The following PDZD2 variants were observed in gnomAD, a reference collection of about 807,000 sequenced individuals.
PDZD2 encodes PDZ domain-containing protein 2.
Under a neutral mutation model 220.7 loss-of-function variants are expected in PDZD2, and 90 were observed. That is an observed-to-expected ratio of 0.41 (90% CI 0.34 to 0.49). The LOEUF (loss-of-function observed/expected upper bound fraction) is 0.49. Ranked by LOEUF, PDZD2 falls within the 20% of genes least tolerant of loss-of-function variation. The pLI, the probability that PDZD2 is intolerant of heterozygous loss-of-function variation, is 0.28. For missense variants in PDZD2, 3,174 were observed against 3,608.5 expected (o/e 0.88, Z 3.08); for synonymous variants, 1,375 against 1,450.5 (o/e 0.95, Z 1.18).
At chr5:31,675,149 GAT>G (rs202221153) in intron 1 of PDZD2, among the ~76,000 whole-genome samples, 15,396 of 152,192 alleles carry the variant, frequency 0.1, 794 homozygotes, top group East Asian at 0.15. Flanking sequence ...AAAGATGATA[GAT>G]AACAGGGTCC....
At chr5:32,009,938 A>C (rs187048055) in intron 5 of PDZD2, among the ~76,000 whole-genome samples, 23 of 151,838 alleles carry the variant, frequency 1.5e-4, no homozygotes, top group Admixed American at 1.4e-3. Flanking sequence ...TTAAAAATAC[A>C]ATGCCAGGTG....
rs1758699236 is a variant in PDZD2, at chr5:31,859,006, A to G, written c.476+59282A>G. ...CTGGGATTACAGATGTGAGCCCCCGAGCCCAGCCAAGGTTTTTGCATTTCT... is the reference window on the plus strand; with the variant it reads ...CTGGGATTACAGATGTGAGCCCCCGGGCCCAGCCAAGGTTTTTGCATTTCT... On this transcript the variant is annotated intron_variant, in intron 2 of 24. Transcript: ENST00000438447. Among the ~76,000 whole-genome samples the G allele has an allele frequency of 2.0e-5, 3 of 151,976 alleles. No homozygotes were observed. The South Asian group carries it at 6.2e-4, about 32-fold the overall frequency.
intron 2 of PDZD2, among the ~76,000 whole-genome samples, chr5:31,924,654 T>A (rs1744583783): frequency 6.6e-6 from 1 of 152,222 alleles, no homozygotes; most frequent in South Asian, 2.1e-4. Flanking sequence ...GAGGAGACGC[T>A]TGTTAATTAT....
chr5:32,032,434 C>T (rs1755198557), intron 6 of PDZD2, among the ~76,000 whole-genome samples: 1 of 152,182 alleles, frequency 6.6e-6, no homozygotes, highest in Admixed American at 6.5e-5. Flanking sequence ...CCTTGGGCCA[C>T]TGCTTCCGCC....
intron 2 of PDZD2, among the ~76,000 whole-genome samples, chr5:31,892,346 C>G (rs556814900): frequency 6.6e-6 from 1 of 152,340 alleles, no homozygotes; most frequent in East Asian, 1.9e-4. Flanking sequence ...AAATAAGACT[C>G]ATAAACCAAG....
At chr5:32,036,135 A>G (rs1031854961) in intron 6 of PDZD2, among the ~76,000 whole-genome samples, 2 of 151,970 alleles carry the variant, frequency 1.3e-5, no homozygotes, top group Non-Finnish European at 2.9e-5. Context: ...AATTTTTTGT[A>G]TTTTTAGTAG....
chr5:31,824,115 T>G (rs2150259307), intron 2 of PDZD2, among the ~76,000 whole-genome samples: 1 of 152,322 alleles, frequency 6.6e-6, no homozygotes, highest in South Asian at 2.1e-4. Context: ...GTGATCTTTT[T>G]GCACCTGCTG....
intron 2 of PDZD2, 120 bp downstream of exon 2, chr5:31,799,844 TC>T: frequency 1.4e-6 from 1 of 696,260 alleles, no homozygotes; most frequent in Non-Finnish European, 2.5e-6. Context: ...ATAAGAAATG[TC>T]TCATTTAAAC....
At chr5:31,965,602 ATGGAAACTTCGGC>A (rs1748666546) in intron 2 of PDZD2, among the ~76,000 whole-genome samples, 1 of 152,186 alleles carries the variant, frequency 6.6e-6, no homozygotes, top group African/African-American at 2.4e-5. Context: ...TGCTTTAAAA[ATGGAAACTTCGGC>A]TGGGCGCAGT....
At chr5:31,910,243 T>A (rs2150367197) in intron 2 of PDZD2, among the ~76,000 whole-genome samples, 1 of 98,906 alleles carries the variant, frequency 1.0e-5, no homozygotes, top group East Asian at 2.4e-4. Context: ...TTTTGGAGAC[T>A]TAGTCTTGCT....
intron 1 of PDZD2, among the ~76,000 whole-genome samples, chr5:31,710,931 A>T (rs1177775701): frequency 2.6e-5 from 4 of 152,208 alleles, no homozygotes; most frequent in African/African-American, 9.6e-5. Flanking sequence ...GCAGGGAGGA[A>T]GGCTTCATTT....
intron 1 of PDZD2, among the ~76,000 whole-genome samples, chr5:31,787,261 G>A (rs78964973): frequency 0.079 from 12,005 of 152,228 alleles, 642 homozygotes; most frequent in Middle Eastern, 0.13. Context: ...ACATTGCCTC[G>A]TAAATGCCCT....
At chr5:31,708,876 GT>G (rs760638995) in intron 1 of PDZD2, among the ~76,000 whole-genome samples, 2,845 of 148,800 alleles carry the variant, frequency 0.019, 102 homozygotes, top group African/African-American at 0.067. Flanking sequence ...CAGCAAATGT[GT>G]TTTGTTTTTT....
chr5:31,841,243 C>G (rs932782843), intron 2 of PDZD2, among the ~76,000 whole-genome samples: 4 of 152,094 alleles, frequency 2.6e-5, no homozygotes, highest in African/African-American at 9.7e-5. Flanking sequence ...ACACACACAT[C>G]TACAAGAATG....
chr5:32,046,359 C>T (rs1737962166), intron 7 of PDZD2, among the ~76,000 whole-genome samples: 1 of 152,268 alleles, frequency 6.6e-6, no homozygotes, highest in East Asian at 1.9e-4. Flanking sequence ...TCTCTGGCCT[C>T]AGCCTCCTGA....
rs910383669 is a variant in PDZD2 at position 31,892,576 on chromosome 5, C to T, written c.477-90579C>T. On this transcript the variant is annotated intron_variant, in intron 2 of 24. Transcript: ENST00000438447. ...GTAGTGGGCCTAGTTTCTTTTGTGGCGGGGGTGGTGTAGGGGAGTCTTGCC... is the reference window on the plus strand; with the variant it reads ...GTAGTGGGCCTAGTTTCTTTTGTGGTGGGGGTGGTGTAGGGGAGTCTTGCC... Among the ~76,000 whole-genome samples the T allele has an allele frequency of 4.6e-5, 7 of 152,056 alleles. No homozygotes were observed. The South Asian group carries it at 6.2e-4, about 14-fold the overall frequency.
At chr5:31,995,215 A>C (rs1160006476) in intron 3 of PDZD2, among the ~76,000 whole-genome samples, 1 of 152,212 alleles carries the variant, frequency 6.6e-6, no homozygotes, top group Non-Finnish European at 1.5e-5. Context: ...TATGCTGCCC[A>C]TAGCATAGTC....
At chr5:31,936,752 G>A (rs975717483) in intron 2 of PDZD2, among the ~76,000 whole-genome samples, 2 of 152,174 alleles carry the variant, frequency 1.3e-5, no homozygotes, top group Non-Finnish European at 2.9e-5. Context: ...GAGCCAACGA[G>A]GTGCTCACTA....
intron 6 of PDZD2, among the ~76,000 whole-genome samples, chr5:32,023,639 G>T (rs1254173689): frequency 3.3e-5 from 5 of 152,178 alleles, no homozygotes; most frequent in Admixed American, 1.3e-4. Flanking sequence ...CTAGCTTCTT[G>T]CCTAAGATGT....
Sources: allele counts gnomAD v4.1 joint callset (sites outside exome capture counted in the v4.1 genomes callset), GRCh38; gene constraint gnomAD v4.1.1; transcripts MANE v1.5; gene names NCBI Gene and HGNC (gene_info 2026-07-23, HGNC 2026-07-21).